AASS: variants seen among roughly 807,000 people sequenced by gnomAD.
AASS encodes the protein alpha-aminoadipic semialdehyde synthase, mitochondrial.
A neutral mutation model predicts 105.4 loss-of-function variants in AASS; 86 were observed. The observed-to-expected ratio is 0.82, with a 90% CI of 0.69 to 0.98. The LOEUF is 0.98. AASS is among the 50% of genes least tolerant of loss of function. AASS has a pLI of 0.00. For missense variants in AASS, 1,048 were observed against 1,143.2 expected (o/e 0.92, Z 1.20); for synonymous variants, 381 against 394.8 (o/e 0.96, Z 0.41).
intron 22 of AASS, among the ~76,000 whole-genome samples, 163 bp from the exon 23 acceptor site, chr7:122,078,177 C>T (rs1025881247): frequency 6.6e-6 from 1 of 152,070 alleles, no homozygotes; most frequent in Non-Finnish European, 1.5e-5. Flanking sequence ...AAAGTGAAAA[C>T]CTCAAGGAAA....
chr7:122,099,854 A>G (rs1292802515), intron 13 of AASS, among the ~76,000 whole-genome samples: 3 of 151,908 alleles, frequency 2.0e-5, no homozygotes, highest in African/African-American at 7.2e-5. Context: ...AAGAGGTCTC[A>G]TTTAACTACT....
intron 2 of AASS, among the ~76,000 whole-genome samples, chr7:122,131,773 G>A (rs542672750): frequency 6.6e-6 from 1 of 151,976 alleles, no homozygotes; most frequent in Non-Finnish European, 1.5e-5. Flanking sequence ...AGTCTTCTTG[G>A]TGAAATTATT....
chr7:122,118,261 T>G (rs1267279094), intron 6 of AASS, 46 bp downstream of exon 6: 1 of 1,609,732 alleles, frequency 6.2e-7, no homozygotes, highest in Non-Finnish European at 8.5e-7. Context: ...TGGGTTAGTT[T>G]CAAAGTTTTG....
intron 4 of AASS, 89 bp from the exon 5 acceptor site, chr7:122,118,719 C>A: frequency 4.0e-6 from 5 of 1,250,222 alleles, no homozygotes; most frequent in African/African-American, 1.5e-5. Context: ...GCATGGTGCC[C>A]TGCAGAAGCA....
intron 18 of AASS, among the ~76,000 whole-genome samples, chr7:122,090,508 CTT>C (rs1334375291): frequency 6.6e-6 from 1 of 152,132 alleles, no homozygotes; most frequent in Non-Finnish European, 1.5e-5. Context: ...TTAAGAAATT[CTT>C]TCTCTCTACT....
intron 1 of AASS, among the ~76,000 whole-genome samples, chr7:122,141,009 T>C (rs1329450684): frequency 1.3e-5 from 2 of 152,180 alleles, no homozygotes; most frequent in African/African-American, 4.8e-5. Flanking sequence ...CCATAATATT[T>C]TTTGGAGAGG....
intron 1 of AASS, among the ~76,000 whole-genome samples, chr7:122,134,275 A>G (rs1255720515): frequency 6.6e-6 from 1 of 152,162 alleles, no homozygotes; most frequent in African/African-American, 2.4e-5. Flanking sequence ...TGTTTTTTTA[A>G]AACAAAAAAC....
rs181799596 is a variant in AASS at position 122,114,513 on chromosome 7, C to T, written c.1043+561G>A. On this transcript the variant is annotated intron_variant, in intron 9 of 23. Transcript: ENST00000417368. ...TCAATGCCTATTATATATCAGGCAA[C>T]GTACTAGGTGCTTGTGGCCAAGAGA... 1.2e-4 allele frequency among the ~76,000 whole-genome samples: 18 copies of T among 152,160 alleles called. No individual in the cohort carries two copies. In the South Asian group the frequency reaches 1.7e-3, roughly 14 times the overall value.
At chr7:122,088,861 G>A (rs1255613682) in intron 18 of AASS, among the ~76,000 whole-genome samples, 1 of 152,068 alleles carries the variant, frequency 6.6e-6, no homozygotes, top group Admixed American at 6.6e-5. Context: ...CACCACCACT[G>A]TGAGGGGAAT....
In AASS at chr7:122,074,592, ATACT is replaced by A. The variant is rs1319047588; in HGVS notation, c.*1893_*1896del. 6.6e-6 allele frequency among the ~76,000 whole-genome samples: 1 copy of A among 152,166 alleles called. No individual in the cohort carries two copies. Among genetic ancestry groups the A allele is most frequent in the Non-Finnish European group, 1.5e-5 (1 of 68,036 alleles). On this transcript the variant is annotated 3_prime_UTR_variant, in exon 24 of 24. Transcript: ENST00000417368. ...GATTTACGCCATGTTTTCTTTGAAG[ATACT>A]TACAATATTAGCTCTTACATTTAGA...
intron 4 of AASS, among the ~76,000 whole-genome samples, chr7:122,126,053 C>G (rs925532222): frequency 6.6e-6 from 1 of 152,064 alleles, no homozygotes; most frequent in East Asian, 1.9e-4. Flanking sequence ...TCTATTTCTC[C>G]CTATCTTCTA....
At chr7:122,116,383 C>G (rs1267260641) in intron 8 of AASS, among the ~76,000 whole-genome samples, 1 of 152,142 alleles carries the variant, frequency 6.6e-6, no homozygotes, top group Non-Finnish European at 1.5e-5. Context: ...CTATTGGGCA[C>G]ATGTAGACCT....
chr7:122,113,103 T>C lies in AASS; in HGVS notation c.1278+15A>G. 6.3e-7 allele frequency: 1 copy of C among 1,592,022 alleles called. No individual in the cohort carries two copies. Among genetic ancestry groups the C allele is most frequent in the Non-Finnish European group, 8.6e-7 (1 of 1,159,832 alleles). ...AAAGCCACAGAGTTGTTACTGATAT[T>C]ACCAGTCTGCTTACCATTTCTTCAA... On this transcript the variant is annotated intron_variant, in intron 11 of 23. Coordinates refer to ENST00000417368, the MANE Select transcript of AASS (RefSeq NM_005763.4).
intron 15 of AASS, among the ~76,000 whole-genome samples, chr7:122,093,914 A>T (rs1328113356): frequency 6.6e-6 from 1 of 152,186 alleles, no homozygotes; most frequent in Admixed American, 6.6e-5. Context: ...GCCATAAAAA[A>T]GAATGAAATA....
chr7:122,089,937 A>T (rs931330587), intron 18 of AASS, among the ~76,000 whole-genome samples: 1 of 152,220 alleles, frequency 6.6e-6, no homozygotes, highest in African/African-American at 2.4e-5. Flanking sequence ...CCAGTCTCTT[A>T]AGATTGCAGA....
At chr7:122,097,597 C>T (rs901589582) in intron 15 of AASS, among the ~76,000 whole-genome samples, 8 of 151,916 alleles carry the variant, frequency 5.3e-5, no homozygotes, top group Admixed American at 1.3e-4. Flanking sequence ...AATATCAAAA[C>T]CAAATTTAGT....
chr7:122,099,888 G>C (rs1284048085), intron 13 of AASS, among the ~76,000 whole-genome samples: 2 of 151,742 alleles, frequency 1.3e-5, no homozygotes, highest in African/African-American at 4.8e-5. Flanking sequence ...TCACCTTCCA[G>C]AGAGAACCAC....
intron 20 of AASS, among the ~76,000 whole-genome samples, chr7:122,081,148 TGGATTCTC>T (rs1460981671): frequency 6.6e-6 from 1 of 152,198 alleles, no homozygotes; most frequent in Non-Finnish European, 1.5e-5. Context: ...GTAACTCTCC[TGGATTCTC>T]ACTTTCAGGA....
chr7:122,086,272 T>A, intron 18 of AASS, 93 bp from the exon 19 acceptor site: 1 of 1,266,490 alleles, frequency 7.9e-7, no homozygotes, highest in Non-Finnish European at 1.1e-6. Flanking sequence ...GCAACAGAAA[T>A]TTGAAAAAAA....
Sources: gnomAD v4.1 joint callset for allele counts (sites outside exome capture counted in the v4.1 genomes callset) on GRCh38, gnomAD v4.1.1 for gene constraint, MANE v1.5 for transcripts, NCBI Gene and HGNC (gene_info 2026-07-23, HGNC 2026-07-21) for gene names.